The following GLIS3 variants were observed in gnomAD, a reference collection of about 807,000 sequenced individuals.
GLIS3 encodes zinc finger protein GLIS3.
A neutral mutation model predicts 78.6 loss-of-function variants in GLIS3; 53 were observed. The observed-to-expected ratio is 0.67, with a 90% CI of 0.54 to 0.85. The LOEUF is 0.85. Ranked by LOEUF, GLIS3 falls within the 40% of genes least tolerant of loss-of-function variation. The pLI is 0.00. For synonymous variants in GLIS3, 684 were observed against 509.9 expected (o/e 1.34, Z -4.60); for missense variants, 1,703 against 1,231.1 (o/e 1.38, Z -5.74).
At chr9:4,402,030 A>T in the GLIS3 span, among the ~76,000 whole-genome samples, 1 of 152,174 alleles carries the variant, frequency 6.6e-6, no homozygotes, top group Non-Finnish European at 1.5e-5. Context: ...CTCCCAGACA[A>T]CATCTCTGGA....
chr9:4,263,823 G>A (rs1825746035), intron 2 of GLIS3, among the ~76,000 whole-genome samples: 1 of 151,998 alleles, frequency 6.6e-6, no homozygotes, highest in South Asian at 2.1e-4. Flanking sequence ...CCTCTACCCT[G>A]GTTTTCTTCC....
the GLIS3 span, among the ~76,000 whole-genome samples, chr9:4,435,446 G>C: frequency 9.2e-5 from 14 of 152,158 alleles, no homozygotes; most frequent in Non-Finnish European, 2.1e-4. Flanking sequence ...ACATTCCTCA[G>C]CCTGCCAGAC....
intron 4 of GLIS3, among the ~76,000 whole-genome samples, chr9:4,089,742 C>T (rs1322430813): frequency 6.6e-6 from 1 of 151,980 alleles, no homozygotes; most frequent in African/African-American, 2.4e-5. Flanking sequence ...TCGCTTGAGT[C>T]CAGGAGTTTG....
intron 2 of GLIS3, among the ~76,000 whole-genome samples, chr9:4,171,089 G>T (rs1270572736): frequency 1.3e-5 from 2 of 152,128 alleles, no homozygotes; most frequent in African/African-American, 2.4e-5. Flanking sequence ...ACTTTGATGA[G>T]TATCACCTGT....
At chr9:4,426,343 A>G in the GLIS3 span, among the ~76,000 whole-genome samples, 1 of 152,184 alleles carries the variant, frequency 6.6e-6, no homozygotes, top group African/African-American at 2.4e-5. Flanking sequence ...AAAGGTCTTC[A>G]TCTGAAACTT....
intron 4 of GLIS3, among the ~76,000 whole-genome samples, chr9:3,972,645 A>G (rs546676722): frequency 4.6e-5 from 7 of 152,266 alleles, no homozygotes; most frequent in African/African-American, 1.7e-4. Flanking sequence ...CTCCTTGTAA[A>G]ATACTATGAA....
chr9:4,379,032 G>C, the GLIS3 span, among the ~76,000 whole-genome samples: 3 of 152,168 alleles, frequency 2.0e-5, no homozygotes, highest in South Asian at 6.2e-4. Context: ...TATAAGCTCC[G>C]TGCTGTTTTC....
chr9:4,484,714 G>A, the GLIS3 span, among the ~76,000 whole-genome samples: 700 of 152,222 alleles, frequency 4.6e-3, 2 homozygotes, highest in African/African-American at 0.016. Flanking sequence ...ACTGTGCCCA[G>A]TGTAGGCCAA....
chr9:4,278,770 G>A lies in GLIS3; in HGVS notation c.388+7268C>T, dbSNP rs74884204. ...ACAAGGTTACTTATACATTTTGAAA[G>A]AGAAAGTGTCCTTCACAATGCAGAG... On this transcript the variant is annotated intron_variant, in intron 2 of 10. Transcript: ENST00000381971. Among the ~76,000 whole-genome samples the A allele has an allele frequency of 7.6e-3, 1,160 of 152,350 alleles. 21 individuals are homozygous for A. Among genetic ancestry groups the A allele is most frequent in the African/African-American group, 0.026 (1,091 of 41,582 alleles).
intron 4 of GLIS3, among the ~76,000 whole-genome samples, chr9:4,104,743 A>C (rs1010559827): frequency 6.6e-6 from 1 of 152,102 alleles, no homozygotes; most frequent in South Asian, 2.1e-4. Flanking sequence ...AGGCCTTTGC[A>C]CTTGCTATTC....
At chr9:4,286,580 G>A (rs1339624699) in intron 1 of GLIS3, 57 bp from the exon 2 acceptor site, 3 of 866,858 alleles carry the variant, frequency 3.5e-6, no homozygotes, top group Non-Finnish European at 5.5e-6. Context: ...ATAAGATACA[G>A]TGAGTTTTTC....
At chr9:4,093,012 T>C (rs1829653313) in intron 4 of GLIS3, among the ~76,000 whole-genome samples, 1 of 152,240 alleles carries the variant, frequency 6.6e-6, no homozygotes, top group Non-Finnish European at 1.5e-5. Context: ...ATAGGAATTT[T>C]TCAGCTCCTT....
chr9:4,316,544 A>G (rs1363630528), intron 2 of GLIS3, among the ~76,000 whole-genome samples: 1 of 152,182 alleles, frequency 6.6e-6, no homozygotes, highest in Non-Finnish European at 1.5e-5. Context: ...TGTTCTCTAC[A>G]TGTCTATGTG....
At chr9:4,282,560 G>A (rs1328094486) in intron 2 of GLIS3, among the ~76,000 whole-genome samples, 1 of 152,004 alleles carries the variant, frequency 6.6e-6, no homozygotes, top group East Asian at 1.9e-4. Flanking sequence ...CCTGGATCTT[G>A]AGCCTGGCAG....
intron 2 of GLIS3, among the ~76,000 whole-genome samples, chr9:4,130,672 G>A (rs1231124638): frequency 6.6e-6 from 1 of 152,230 alleles, no homozygotes; most frequent in Non-Finnish European, 1.5e-5. Flanking sequence ...GAGGATGCAT[G>A]GAAAAGCCTG....
At chr9:4,278,790 G>C (rs988899704) in intron 2 of GLIS3, among the ~76,000 whole-genome samples, 3 of 152,344 alleles carry the variant, frequency 2.0e-5, no homozygotes, top group Non-Finnish European at 4.4e-5. Context: ...CCTTCACAAT[G>C]CAGAGATCTG....
chr9:4,386,246 T>C, the GLIS3 span, among the ~76,000 whole-genome samples: 1 of 152,198 alleles, frequency 6.6e-6, no homozygotes, highest in Non-Finnish European at 1.5e-5. Flanking sequence ...TACAGTTATC[T>C]CATTATAATA....
chr9:4,118,905 G>GAA lies in GLIS3; in HGVS notation c.597-26_597-25dup. The stretch of plus-strand genomic sequence containing the variant: ...ACCTGGAACAGCAGCCAGAAAGGAA[G>GAA]AAAAAAAAAAGATAAACATTTTAGC... On this transcript the variant is annotated intron_variant, in intron 3 of 10. Transcript: ENST00000381971. This position sits in a 1 kb window ranked among gnomAD's most constrained non-coding sequence, Gnocchi z 4.7. 3 of 1,486,712 alleles carry GAA rather than the reference G, an allele frequency of 2.0e-6. No homozygotes were observed. Among genetic ancestry groups the GAA allele is most frequent in the Non-Finnish European group, 1.8e-6 (2 of 1,098,832 alleles). The allele number at this position is 1,486,712 out of a possible 1,614,324, so 92.1% of individuals were successfully genotyped here.
chr9:4,194,127 G>A (rs886122751), intron 2 of GLIS3, among the ~76,000 whole-genome samples: 14 of 151,980 alleles, frequency 9.2e-5, no homozygotes, highest in African/African-American at 3.1e-4. Flanking sequence ...GTGCGATCTC[G>A]GCTCTCTGCA....
Sources: allele counts gnomAD v4.1 joint callset (sites outside exome capture counted in the v4.1 genomes callset), GRCh38; gene constraint gnomAD v4.1.1; non-coding constraint Gnocchi (gnomAD v3.1); transcripts MANE v1.5; gene names NCBI Gene and HGNC (gene_info 2026-07-23, HGNC 2026-07-21).